The following KCTD1 variants were observed in gnomAD, a reference collection of about 807,000 sequenced individuals.
KCTD1 encodes BTB/POZ domain-containing protein KCTD1.
A neutral mutation model predicts 66.0 loss-of-function variants in KCTD1; 24 were observed. The ratio of observed to expected loss-of-function variants is 0.36; its 90% CI spans 0.26 to 0.51. The LOEUF (loss-of-function observed/expected upper bound fraction) is 0.51. Among genes scored for constraint, KCTD1 ranks in the 20% least tolerant of loss-of-function variants. KCTD1 has a pLI of 0.95. For synonymous variants in KCTD1, 511 were observed against 517.2 expected (o/e 0.99, Z 0.16); for missense variants, 943 against 1,205.2 (o/e 0.78, Z 3.22).
At chr18:26,649,294 G>T (rs187062610) in intron 1 of KCTD1, among the ~76,000 whole-genome samples, 1 of 152,280 alleles carries the variant, frequency 6.6e-6, no homozygotes, top group African/African-American at 2.4e-5. Context: ...TTCTTCTGTT[G>T]ATTTGATTAA....
intron 1 of KCTD1, among the ~76,000 whole-genome samples, chr18:26,656,534 C>G (rs1041784220): frequency 1.3e-5 from 2 of 151,906 alleles, no homozygotes; most frequent in African/African-American, 4.8e-5. Flanking sequence ...TCTGGACCAG[C>G]CCGGCCGGCG....
chr18:26,502,981 C>T (rs1982844288), intron 1 of KCTD1, among the ~76,000 whole-genome samples: 1 of 152,222 alleles, frequency 6.6e-6, no homozygotes, highest in African/African-American at 2.4e-5. Context: ...TTAGCATTAA[C>T]CACATGTCCA....
intron 1 of KCTD1, among the ~76,000 whole-genome samples, chr18:26,524,484 C>T (rs1430038867): frequency 6.6e-6 from 1 of 152,152 alleles, no homozygotes; most frequent in East Asian, 1.9e-4. Context: ...GAATGATCTG[C>T]ATTATTTACA....
chr18:26,465,706 G>C (rs572703156), intron 3 of KCTD1, among the ~76,000 whole-genome samples: 9 of 152,312 alleles, frequency 5.9e-5, no homozygotes, highest in Admixed American at 5.9e-4. Flanking sequence ...CCAGCATTCT[G>C]AAACAACACC....
At position 26,455,342 on chromosome 18, in the gene KCTD1, A is replaced by AAAAG. The variant is rs1248048154; in HGVS notation, c.*397_*400dup. 1 of 152,984 alleles carries AAAAG rather than the reference A, an allele frequency of 6.5e-6. No individual in the cohort carries two copies. The highest frequency in any genetic ancestry group is 1.5e-5 in the Non-Finnish European group (1 of 68,326). The allele number at this position is 152,984 out of a possible 1,614,324, so 9.5% of individuals were successfully genotyped here. ...AAAAGGAAAAAGAAAGACAAAGGAA[A>AAAAG]AAAGAAATATGGATGGCTGTTGTTG... On this transcript the variant is annotated 3_prime_UTR_variant, in exon 5 of 5. Transcript: ENST00000580059.
chr18:26,502,147 T>C (rs1170607324), intron 1 of KCTD1, among the ~76,000 whole-genome samples: 1 of 152,258 alleles, frequency 6.6e-6, no homozygotes, highest in Non-Finnish European at 1.5e-5. Flanking sequence ...CCTCCTGGGT[T>C]CACGCCATTC....
chr18:26,578,448 G>A (rs894453464), intron 1 of KCTD1, among the ~76,000 whole-genome samples: 1 of 152,276 alleles, frequency 6.6e-6, no homozygotes. Flanking sequence ...ATATTCCCAA[G>A]TGGAGAGTAA....
intron 1 of KCTD1, among the ~76,000 whole-genome samples, chr18:26,653,289 C>T (rs1189972287): frequency 6.6e-6 from 1 of 152,230 alleles, no homozygotes; most frequent in African/African-American, 2.4e-5. Context: ...AGTTCCTCCC[C>T]CTTTGCTAAG....
At chr18:26,574,341 T>C (rs1190545082) in intron 1 of KCTD1, among the ~76,000 whole-genome samples, 1 of 152,232 alleles carries the variant, frequency 6.6e-6, no homozygotes, top group Non-Finnish European at 1.5e-5. Context: ...CATGTTGCCA[T>C]GGGACTCGTG....
intron 1 of KCTD1, among the ~76,000 whole-genome samples, chr18:26,594,115 G>A (rs1986712489): frequency 6.6e-6 from 1 of 152,194 alleles, no homozygotes; most frequent in South Asian, 2.1e-4. Context: ...AGCTGGGCTT[G>A]GACAGCTCCT....
At chr18:26,496,622 TA>T (rs910478638) in intron 2 of KCTD1, among the ~76,000 whole-genome samples, 1 of 152,020 alleles carries the variant, frequency 6.6e-6, no homozygotes, top group Non-Finnish European at 1.5e-5. Context: ...TCCCTTTAGC[TA>T]AAAAAACACC....
At chr18:26,592,569 G>A (rs1309499357) in intron 1 of KCTD1, among the ~76,000 whole-genome samples, 2 of 152,114 alleles carry the variant, frequency 1.3e-5, no homozygotes, top group African/African-American at 2.4e-5. Context: ...CATCACAGTC[G>A]ATGCTGATGG....
At chr18:26,630,945 G>A (rs1321646668), upstream of KCTD1, among the ~76,000 whole-genome samples, 1 of 151,842 alleles carries the variant, frequency 6.6e-6, no homozygotes, top group Admixed American at 6.6e-5. Flanking sequence ...TAGAATTTTG[G>A]AAAACTTCCA....
At chr18:26,484,549 G>C (rs1309928839) in intron 2 of KCTD1, among the ~76,000 whole-genome samples, 1 of 152,046 alleles carries the variant, frequency 6.6e-6, no homozygotes, top group Admixed American at 6.6e-5. Flanking sequence ...CCCTGACTTC[G>C]GTTAGAAAAT....
At chr18:26,637,976 T>A (rs540773) in intron 1 of KCTD1, among the ~76,000 whole-genome samples, 151,616 of 152,306 alleles carry the variant, frequency 1, 75,471 homozygotes, top group Middle Eastern at 1. Context: ...GAGAGTCTGA[T>A]TTTGTAGGCT....
intron 1 of KCTD1, among the ~76,000 whole-genome samples, chr18:26,541,578 T>C (rs1035715685): frequency 6.6e-6 from 1 of 152,232 alleles, no homozygotes; most frequent in Non-Finnish European, 1.5e-5. Flanking sequence ...GGTTGCTATA[T>C]GCTATAAGCT....
At chr18:26,599,738 G>C (rs775063189) in intron 1 of KCTD1, 1 of 1,568,866 alleles carries the variant, frequency 6.4e-7, no homozygotes, top group Non-Finnish European at 8.8e-7. Context: ...AGTGAAGACA[G>C]CATCTAAGCT....
chr18:26,535,047 C>A (rs896858665), intron 1 of KCTD1, among the ~76,000 whole-genome samples: 2 of 140,094 alleles, frequency 1.4e-5, no homozygotes, highest in African/African-American at 5.3e-5. Flanking sequence ...TTTTCACTCA[C>A]CTGTTCTGGC....
chr18:26,484,984 T>C (rs973860321), intron 2 of KCTD1, among the ~76,000 whole-genome samples: 1 of 152,160 alleles, frequency 6.6e-6, no homozygotes, highest in African/African-American at 2.4e-5. Context: ...GCGGGGTAGA[T>C]AAGGGCGCCA....
Sources: allele counts gnomAD v4.1 joint callset (sites outside exome capture counted in the v4.1 genomes callset), GRCh38; gene constraint gnomAD v4.1.1; transcripts MANE v1.5; gene names NCBI Gene and HGNC (gene_info 2026-07-23, HGNC 2026-07-21).